WDR7: variants seen among roughly 807,000 people sequenced by gnomAD.
The protein encoded by WDR7 is WD repeat domain 7, also known as WD repeat-containing protein 7.
A neutral mutation model predicts 169.4 loss-of-function variants in WDR7; 46 were observed. That is an observed-to-expected ratio of 0.27 (90% CI 0.21 to 0.35). The LOEUF (loss-of-function observed/expected upper bound fraction) is 0.35, where lower values mean the gene tolerates loss of function less well. Among genes scored for constraint, WDR7 ranks in the 10% least tolerant of loss-of-function variants. WDR7 has a pLI of 1.00. For synonymous variants in WDR7, 612 were observed against 666.8 expected, an observed-to-expected ratio of 0.92 and a Z score of 1.27; for missense variants, 1,534 against 1,859.3, an observed-to-expected ratio of 0.83 and a Z score of 3.22.
chr18:56,850,511 A>ATATT (rs1267801945), intron 20 of WDR7, among the ~76,000 whole-genome samples: 1 of 151,978 alleles, frequency 6.6e-6, no homozygotes, highest in Non-Finnish European at 1.5e-5. Context: ...TTATGTTTCT[A>ATATT]TATTTATTTA....
At chr18:56,749,385 TTTGTG>T (rs2043753736) in intron 14 of WDR7, among the ~76,000 whole-genome samples, 2 of 108,110 alleles carry the variant, frequency 1.8e-5, no homozygotes, top group African/African-American at 3.8e-5. Context: ...TGTGTGTGTG[TTTGTG>T]TGTGTGTGTG....
At chr18:56,988,421 A>G (rs919552976) in intron 26 of WDR7, among the ~76,000 whole-genome samples, 4 of 152,222 alleles carry the variant, frequency 2.6e-5, no homozygotes, top group African/African-American at 4.8e-5. Context: ...TGGTGCTTCT[A>G]TAAAATTGTT....
chr18:57,033,116 T>C (rs184958080), downstream of WDR7: 13 of 152,220 alleles, frequency 8.5e-5, no homozygotes, highest in Non-Finnish European at 1.8e-4. Flanking sequence ...CTTTATTTTA[T>C]TTTCCTCTTG....
chr18:56,815,972 T>A (rs1424960812), intron 19 of WDR7, 59 bp from the exon 20 acceptor site: 1 of 1,381,624 alleles, frequency 7.2e-7, no homozygotes, highest in Non-Finnish European at 9.7e-7. Context: ...CTTCAAACTT[T>A]CTGTTTGCTT....
intron 22 of WDR7, among the ~76,000 whole-genome samples, chr18:56,924,705 G>A (rs975073947): frequency 3.3e-5 from 5 of 152,300 alleles, no homozygotes; most frequent in Non-Finnish European, 7.3e-5. Flanking sequence ...TCCTATTGGT[G>A]GTGGAGATTA....
At chr18:56,869,570 G>A (rs2045926437) in intron 20 of WDR7, among the ~76,000 whole-genome samples, 1 of 152,124 alleles carries the variant, frequency 6.6e-6, no homozygotes, top group African/African-American at 2.4e-5. Context: ...TACAGTGGGG[G>A]AAAATCTATG....
In WDR7 at chr18:56,873,268, TTAAAC is replaced by T. The variant is rs138566357; in HGVS notation, c.3305-6673_3305-6669del. 9.5e-4 allele frequency among the ~76,000 whole-genome samples: 144 copies of T among 152,300 alleles called. 5 individuals carry two copies. In the East Asian group the frequency reaches 0.025, roughly 26 times the overall value. ...TATGAGCCTATGTACATGCCAACCT[TTAAAC>T]TACACCAAGTGATGTACTTGACAGC... On this transcript the variant is annotated intron_variant, in intron 20 of 27. Transcript: ENST00000254442.
intron 21 of WDR7, among the ~76,000 whole-genome samples, chr18:56,888,905 G>A (rs1032219825): frequency 6.6e-6 from 1 of 152,162 alleles, no homozygotes; most frequent in African/African-American, 2.4e-5. Context: ...AAGTTGAATT[G>A]TGTTTTAGTT....
intron 20 of WDR7, among the ~76,000 whole-genome samples, chr18:56,859,774 G>A (rs1163725225): frequency 2.6e-5 from 4 of 152,128 alleles, no homozygotes; most frequent in South Asian, 2.1e-4. Flanking sequence ...TTGTTAACAC[G>A]TCTTAGTAAT....
intron 2 of WDR7, among the ~76,000 whole-genome samples, chr18:56,674,124 A>G (rs577325116): frequency 4.1e-4 from 63 of 152,188 alleles, no homozygotes; most frequent in Non-Finnish European, 8.1e-4. Flanking sequence ...ACATGATTTC[A>G]GTGCACTTAG....
chr18:56,874,238 G>A (rs2045992025), intron 20 of WDR7, among the ~76,000 whole-genome samples: 1 of 151,992 alleles, frequency 6.6e-6, no homozygotes, highest in Admixed American at 6.6e-5. Context: ...CTAGAATTAA[G>A]GTTCTTCTAA....
At chr18:56,695,555 C>T (rs79647187) in intron 11 of WDR7, among the ~76,000 whole-genome samples, 10 of 146,394 alleles carry the variant, frequency 6.8e-5, no homozygotes, top group African/African-American at 1.8e-4. Flanking sequence ...TTTTTTTTTC[C>T]GAGAAAGAGT....
chr18:57,025,173 C>T (rs1194523366), intron 27 of WDR7, among the ~76,000 whole-genome samples: 1 of 152,044 alleles, frequency 6.6e-6, no homozygotes, highest in African/African-American at 2.4e-5. Flanking sequence ...ATTATATGCC[C>T]CTTGCATTTT....
At chr18:56,743,897 A>G (rs540657538) in intron 14 of WDR7, among the ~76,000 whole-genome samples, 2 of 152,238 alleles carry the variant, frequency 1.3e-5, no homozygotes, top group South Asian at 2.1e-4. Context: ...GGTAAAGGGA[A>G]GGAAGGCAGT....
chr18:56,927,647 C>T (rs1006465607), intron 22 of WDR7, among the ~76,000 whole-genome samples: 1 of 151,990 alleles, frequency 6.6e-6, no homozygotes, highest in Non-Finnish European at 1.5e-5. Context: ...GAATTGGTTA[C>T]CCCTTTATTT....
intron 26 of WDR7, among the ~76,000 whole-genome samples, chr18:57,014,502 C>CA (rs1457862047): frequency 6.6e-6 from 1 of 151,456 alleles, no homozygotes; most frequent in Admixed American, 6.6e-5. Flanking sequence ...ACTAAAAATA[C>CA]AAAAAATTCG....
intron 12 of WDR7, 34 bp from the exon 13 acceptor site, chr18:56,717,930 T>C (rs1402514456): frequency 6.6e-7 from 1 of 1,511,120 alleles, no homozygotes; most frequent in African/African-American, 1.4e-5. Context: ...CTAAATTTAA[T>C]TTAAACACAA....
intron 21 of WDR7, among the ~76,000 whole-genome samples, chr18:56,909,413 G>T (rs2046523501): frequency 6.6e-6 from 1 of 152,124 alleles, no homozygotes. Flanking sequence ...CTTCAGGTAT[G>T]TTGGGGTAGA....
intron 19 of WDR7, among the ~76,000 whole-genome samples, chr18:56,807,674 T>TAA (rs199558153): frequency 5.4e-5 from 8 of 147,548 alleles, no homozygotes; most frequent in East Asian, 2.0e-4. Context: ...AGCAGTTTTC[T>TAA]AAAAAAAAAA....
Sources: allele counts gnomAD v4.1 joint callset (sites outside exome capture counted in the v4.1 genomes callset), GRCh38; gene constraint gnomAD v4.1.1; transcripts MANE v1.5; gene names NCBI Gene and HGNC (gene_info 2026-07-23, HGNC 2026-07-21).